The following PDZD9 variants were observed in gnomAD, a reference collection of about 807,000 sequenced individuals.
PDZD9 encodes PDZ domain-containing protein 9.
A neutral mutation model predicts 16.3 loss-of-function variants in PDZD9; 13 were observed. That is an observed-to-expected ratio of 0.80 (90% CI 0.52 to 1.27). The LOEUF is 1.27. Among genes scored for constraint, PDZD9 ranks in the 50% most tolerant of loss-of-function variants. PDZD9 has a pLI of 0.00. For synonymous variants in PDZD9, 120 were observed against 111.0 expected, an observed-to-expected ratio of 1.08 and a Z score of -0.51; for missense variants, 288 against 310.9, an observed-to-expected ratio of 0.93 and a Z score of 0.55.
At chr16:21,968,562 T>C in the PDZD9 span, 1 of 1,444,340 alleles carries the variant, frequency 6.9e-7, no homozygotes, top group Non-Finnish European at 9.4e-7. Flanking sequence ...AAACTGTACT[T>C]TTATGTTTTT....
chr16:21,977,493 T>C, the PDZD9 span, among the ~76,000 whole-genome samples: 1 of 152,154 alleles, frequency 6.6e-6, no homozygotes, highest in South Asian at 2.1e-4. Flanking sequence ...AAAGATCTGA[T>C]TTTGTTTTGT....
the PDZD9 span, chr16:21,962,402 A>C: frequency 2.5e-6 from 4 of 1,594,008 alleles, no homozygotes; most frequent in East Asian, 8.9e-5. Context: ...AGAAGATTAT[A>C]AGGGAAAGCT....
chr16:21,959,425 TC>T, the PDZD9 span: 2 of 200,218 alleles, frequency 1.0e-5, no homozygotes, highest in South Asian at 7.3e-5. Flanking sequence ...CCTCATCTGT[TC>T]AAGCTTTATC....
chr16:21,986,227 C>T (rs1898873375), intron 3 of PDZD9, among the ~76,000 whole-genome samples: 1 of 152,084 alleles, frequency 6.6e-6, no homozygotes, highest in Admixed American at 6.5e-5. Context: ...TCTTTCCCTG[C>T]CGCGTTATAC....
chr16:21,998,987 G>C (rs892752795), intron 1 of PDZD9: 1 of 223,436 alleles, frequency 4.5e-6, no homozygotes. Context: ...GCCATATGAA[G>C]TCACTACTTT....
At chr16:21,983,360 C>T (rs543763530), downstream of PDZD9, 50 of 530,150 alleles carry the variant, frequency 9.4e-5, no homozygotes, top group East Asian at 2.2e-4. Context: ...GTTTTTCTTA[C>T]GTTTTTCTCA....
At chr16:21,976,280 T>C in the PDZD9 span, 1 of 1,508,470 alleles carries the variant, frequency 6.6e-7, no homozygotes, top group Non-Finnish European at 9.2e-7. Flanking sequence ...ATGTTTTTGT[T>C]ATTTGAAAGT....
At chr16:21,986,878 CAT>C (rs1354661826) in intron 3 of PDZD9, among the ~76,000 whole-genome samples, 2 of 152,170 alleles carry the variant, frequency 1.3e-5, no homozygotes, top group African/African-American at 4.8e-5. Context: ...AAGTTACAAA[CAT>C]GTTGCACACA....
At chr16:21,968,903 C>T in the PDZD9 span, among the ~76,000 whole-genome samples, 1 of 152,182 alleles carries the variant, frequency 6.6e-6, no homozygotes, top group Non-Finnish European at 1.5e-5. Flanking sequence ...AAATTCTTTA[C>T]AGTATTTGTA....
At chr16:21,986,899 C>T (rs1415333940) in intron 3 of PDZD9, among the ~76,000 whole-genome samples, 1 of 152,126 alleles carries the variant, frequency 6.6e-6, no homozygotes, top group Non-Finnish European at 1.5e-5. Context: ...CAGAGAAGAG[C>T]AAGTGCAAAG....
Position 21,984,177 on chromosome 16 carries a change from A to G in PDZD9, c.*90T>C. ...GAGAAGAGAATTGGTGAGTCTACAGACAGTCCTTGATAAGTACAGCAAACT... is the reference window on the plus strand; with the variant it reads ...GAGAAGAGAATTGGTGAGTCTACAGGCAGTCCTTGATAAGTACAGCAAACT... On this transcript the variant is annotated 3_prime_UTR_variant, in exon 4 of 4. Coordinates refer to ENST00000424898, the MANE Select transcript of PDZD9 (RefSeq NM_001363519.1). The G allele has an allele frequency of 7.2e-7, 1 of 1,394,198 alleles. No individual in the cohort carries two copies. Among genetic ancestry groups the G allele is most frequent in the East Asian group, 2.3e-5 (1 of 43,482 alleles). The allele number at this position is 1,394,198 out of a possible 1,614,324, so 86.4% of individuals were successfully genotyped here.
intron 2 of PDZD9, among the ~76,000 whole-genome samples, chr16:21,992,195 C>G (rs894030507): frequency 6.6e-6 from 1 of 152,032 alleles, no homozygotes; most frequent in Non-Finnish European, 1.5e-5. Flanking sequence ...CGCCACTGCA[C>G]TCCTGCACTC....
chr16:21,983,326 G>A (rs1295543807), downstream of PDZD9: 4 of 609,422 alleles, frequency 6.6e-6, no homozygotes, highest in Middle Eastern at 7.5e-4. Context: ...CTGACCTAAA[G>A]TCAATAAAAC....
the PDZD9 span, chr16:21,958,548 C>T: frequency 1.2e-6 from 2 of 1,612,124 alleles, no homozygotes; most frequent in South Asian, 1.1e-5. Flanking sequence ...ACAAAAGGAG[C>T]TTCATCTTTC....
chr16:21,968,333 G>C, the PDZD9 span: 2 of 204,376 alleles, frequency 9.8e-6, no homozygotes, highest in Non-Finnish European at 1.9e-5. Context: ...TAACAGCTTT[G>C]TTGAGATGTA....
At chr16:21,965,272 A>G in the PDZD9 span, 2 of 696,916 alleles carry the variant, frequency 2.9e-6, no homozygotes, top group South Asian at 3.5e-5. Context: ...TTAAATAATA[A>G]TAAATTTTAA....
the PDZD9 span, among the ~76,000 whole-genome samples, chr16:21,974,759 A>G: frequency 6.6e-6 from 1 of 152,220 alleles, no homozygotes; most frequent in African/African-American, 2.4e-5. Flanking sequence ...GATATCGGAG[A>G]TAGAAAATTA....
chr16:21,960,533 C>T, the PDZD9 span, among the ~76,000 whole-genome samples: 1 of 152,176 alleles, frequency 6.6e-6, no homozygotes, highest in Non-Finnish European at 1.5e-5. Context: ...TGGAGTAGCA[C>T]TATTAGTTTT....
chr16:21,966,560 C>T, the PDZD9 span, among the ~76,000 whole-genome samples: 8 of 152,128 alleles, frequency 5.3e-5, no homozygotes, highest in Non-Finnish European at 8.8e-5. Context: ...TTTTTATTCT[C>T]GTTTTATTCT....
Sources: gnomAD v4.1 joint callset for allele counts (sites outside exome capture counted in the v4.1 genomes callset) on GRCh38, gnomAD v4.1.1 for gene constraint, MANE v1.5 for transcripts, NCBI Gene and HGNC (gene_info 2026-07-23, HGNC 2026-07-21) for gene names.